The following GUSB variants were observed in gnomAD, a reference collection of about 807,000 sequenced individuals.
GUSB encodes beta-glucuronidase.
In GUSB, 51 loss-of-function variants were observed where a neutral mutation model predicts 74.6. The ratio of observed to expected loss-of-function variants is 0.68; its 90% CI spans 0.55 to 0.86. GUSB has a LOEUF of 0.86. GUSB is among the 40% of genes least tolerant of loss of function. GUSB has a pLI of 0.00. For missense variants in GUSB, 736 were observed against 853.7 expected (o/e 0.86, Z 1.72); for synonymous variants, 360 against 348.3 (o/e 1.03, Z -0.37).
At chr7:65,981,934 G>C (rs1792056178) in intron 1 of GUSB, 40 bp downstream of exon 1, 3 of 1,555,666 alleles carry the variant, frequency 1.9e-6, no homozygotes, top group Non-Finnish European at 2.6e-6. Flanking sequence ...TCCCACCGCC[G>C]GGCTTTCGGG....
rs185289909 is a variant in GUSB, at chr7:65,980,556, A to C, written c.211-147T>G. 1.2e-4 allele frequency: 92 copies of C among 749,856 alleles called. No individual in the cohort carries two copies. The South Asian group carries it at 1.4e-3, about 12-fold the overall frequency. The allele number at this position is 749,856 out of a possible 1,614,324, so 46.5% of individuals were successfully genotyped here. ...AAAGGACAGATAACTTGCTGATGAC[A>C]GGTCAACTGCCAGGGCGATCTGTGC... On this transcript the variant is annotated intron_variant, in intron 1 of 11. Transcript: ENST00000304895.
At chr7:65,977,322 TCA>T (rs1430012533) in intron 4 of GUSB, among the ~76,000 whole-genome samples, 2 of 152,096 alleles carry the variant, frequency 1.3e-5, no homozygotes, top group African/African-American at 4.8e-5. Context: ...GATTGCAGGC[TCA>T]CACCACAATG....
intron 8 of GUSB, 46 bp from the exon 9 acceptor site, chr7:65,970,412 G>A: frequency 8.0e-7 from 1 of 1,243,988 alleles, no homozygotes; most frequent in Non-Finnish European, 1.2e-6. Context: ...GTCCAGGAAT[G>A]GCTCAGACAC....
intron 7 of GUSB, 41 bp downstream of exon 7, chr7:65,974,485 C>T: frequency 6.2e-7 from 1 of 1,614,080 alleles, no homozygotes; most frequent in East Asian, 2.2e-5. Context: ...GGTGACGCCC[C>T]CGGGCTGGGC....
At chr7:65,974,220 C>A (rs1791402714) in intron 8 of GUSB, 75 bp downstream of exon 8, 1 of 1,449,244 alleles carries the variant, frequency 6.9e-7, no homozygotes, top group Non-Finnish European at 9.7e-7. Flanking sequence ...TCTTGAACAG[C>A]ACATGCCCAC....
rs746254536 is a variant in GUSB, at chr7:65,982,073, C to A, written c.111G>T (p.Glu37Asp). The A allele has an allele frequency of 1.9e-6, 3 of 1,608,634 alleles. No individual in the cohort carries two copies. Among genetic ancestry groups the A allele is most frequent in the East Asian group, 2.2e-5 (1 of 44,640 alleles). Residue 37 changes from glutamate (E) to aspartate (D), a missense_variant, in exon 1 of 12, where the codon GAG becomes GAT. Transcript: ENST00000304895. ...TCCAGAGGCCGTCCAGCTCCTTGCA[C>A]TCCCGCGACGGGCTCTCCTGGGGGT... ...MLYPQESPSR[E>D]CKELDGLWSF... is the part of the protein sequence containing the mutation.
intron 5 of GUSB, chr7:65,975,458 C>T (rs1162166043): frequency 6.6e-6 from 2 of 301,326 alleles, no homozygotes; most frequent in Non-Finnish European, 1.3e-5. Context: ...GATCTCAGCT[C>T]ACTGCAGCCT....
intron 2 of GUSB, 33 bp downstream of exon 2, chr7:65,980,191 C>A: frequency 2.1e-6 from 1 of 476,388 alleles, no homozygotes; most frequent in East Asian, 7.1e-5. Flanking sequence ...CCGTGCCCCC[C>A]CACCCGCCCT....
chr7:65,970,191 G>A lies in GUSB; in HGVS notation c.1476+91C>T, dbSNP rs186355761. The A allele has an allele frequency of 3.6e-5, 29 of 796,130 alleles. No homozygotes were observed. In the East Asian group the frequency reaches 4.9e-4, roughly 13 times the overall value. 49.3% of individuals were successfully genotyped at this position (796,130 alleles called of 1,614,324 possible). A position where few individuals can be genotyped will look rare whatever the true frequency, so the allele number is the denominator to read the frequency against. On this transcript the variant is annotated intron_variant, in intron 9 of 11. Transcript: ENST00000304895. ...ATGAAATAAAACCCAGACTGGCAGC[G>A]CATGGTTCTTCCTGGCTGTTCCCAT...
At chr7:65,970,829 C>T (rs1315175379) in intron 8 of GUSB, among the ~76,000 whole-genome samples, 1 of 151,876 alleles carries the variant, frequency 6.6e-6, no homozygotes, top group African/African-American at 2.4e-5. Flanking sequence ...GAGGAGTCTG[C>T]AGTGGGCCAA....
Position 65,974,933 on chromosome 7 carries a change from G to A in GUSB, c.1051C>T (p.His351Tyr), listed in dbSNP as rs191153460. 1.4e-5 allele frequency: 23 copies of A among 1,613,854 alleles called. No individual in the cohort carries two copies. Among genetic ancestry groups the A allele is most frequent in the Non-Finnish European group, 1.7e-6 (2 of 1,179,828 alleles). The change falls in exon 6 of 12, where the codon CAT becomes TAT. Residue 351 changes from histidine to tyrosine, a missense_variant. By Grantham distance (83) the His-to-Tyr change is moderately conservative (BLOSUM62 2). Transcript: ENST00000304895. ...KPFYFHGVNK[H>Y]EDADIRGKGF... ...CCCCAACACACGTCCGCATCCTCAT[G>A]CTTGTTGACACCGTGGAAATAGAAA... is the stretch of plus-strand genomic sequence containing the variant.
chr7:65,979,612 T>TCCCC, intron 3 of GUSB, 71 bp from the exon 4 acceptor site: 1 of 1,597,700 alleles, frequency 6.3e-7, no homozygotes, highest in South Asian at 1.1e-5. Context: ...CAGGCCTCCC[T>TCCCC]GGCCTCCCCA....
intron 2 of GUSB, 123 bp downstream of exon 2, chr7:65,980,101 G>A (rs1027860249): frequency 9.4e-7 from 1 of 1,060,438 alleles, no homozygotes; most frequent in African/African-American, 1.6e-5. Context: ...CCCCAGGGCA[G>A]GGCAGGGCAG....
chr7:65,960,924 T>C lies in GUSB; in HGVS notation c.1929A>G (p.Gln643=), dbSNP rs764493374. ...TRYPHSVAKS[Q]CLENSLFT is the part of the protein sequence containing the mutation. ...AAGTAAACAGGCTGTTTTCCAAACATTGTGACTTGGCTACTGAGTGGGGAT... is the reference window on the plus strand; with the variant it reads ...AAGTAAACAGGCTGTTTTCCAAACACTGTGACTTGGCTACTGAGTGGGGAT... Residue 643 remains glutamine (Q), a synonymous_variant, in exon 12 of 12, where the codon CAA becomes CAG. Transcript: ENST00000304895. 30 of 1,613,936 alleles carry C rather than the reference T, an allele frequency of 1.9e-5. No individual in the cohort carries two copies. The East Asian group carries it at 2.2e-4, about 12-fold the overall frequency.
At chr7:65,968,684 T>C (rs965161634) in intron 9 of GUSB, among the ~76,000 whole-genome samples, 6 of 152,190 alleles carry the variant, frequency 3.9e-5, no homozygotes, top group African/African-American at 7.2e-5. Flanking sequence ...CCTCCCACCA[T>C]CAGGTGCTTC....
intron 11 of GUSB, among the ~76,000 whole-genome samples, chr7:65,961,917 G>A (rs991987947): frequency 1.4e-4 from 22 of 151,954 alleles, no homozygotes; most frequent in East Asian, 1.4e-3. Context: ...CAGGAGAATC[G>A]CTTGAACCCA....
rs73372635 is a variant in GUSB at position 65,966,579 on chromosome 7, G to A, written c.1653+1152C>T. Among the ~76,000 whole-genome samples, 221 of 152,214 alleles carry A rather than the reference G, an allele frequency of 1.5e-3. 1 individual carries two copies. The highest frequency in any genetic ancestry group is 5.2e-3 in the African/African-American group (215 of 41,542). On this transcript the variant is annotated intron_variant, in intron 10 of 11. Coordinates refer to ENST00000304895, the MANE Select transcript of GUSB (RefSeq NM_000181.4). ...AGTCTGAGGCAGGACAATCACGTAA[G>A]GCCAGGAGTTCTAGACCAGCCTGAT...
At chr7:65,972,532 C>A (rs1273217157) in intron 8 of GUSB, among the ~76,000 whole-genome samples, 1 of 152,140 alleles carries the variant, frequency 6.6e-6, no homozygotes, top group East Asian at 1.9e-4. Flanking sequence ...CGCCCTCCCC[C>A]ATCATTGCTC....
chr7:65,966,219 G>A lies in GUSB; in HGVS notation c.1653+1512C>T, dbSNP rs116974354. 3.9e-3 allele frequency among the ~76,000 whole-genome samples: 599 copies of A among 152,222 alleles called. 6 individuals are homozygous for A. Among genetic ancestry groups the A allele is most frequent in the Admixed American group, 3.9e-3 (59 of 15,270 alleles). On this transcript the variant is annotated intron_variant, in intron 10 of 11. Transcript: ENST00000304895. ...CTGGTTACCTTTTCAAAGAGGATGC[G>A]CAAGCAAATATATCCAAGAGCCACT...
Sources: allele counts gnomAD v4.1 joint callset (sites outside exome capture counted in the v4.1 genomes callset), GRCh38; gene constraint gnomAD v4.1.1; transcripts MANE v1.5; gene names NCBI Gene and HGNC (gene_info 2026-07-23, HGNC 2026-07-21).